Variants in CCDC9 observed in about 807,000 individuals in gnomAD.
CCDC9 encodes coiled-coil domain containing 9.
CCDC9 carries 52 observed loss-of-function variants against 65.6 expected under a neutral mutation model. That is an observed-to-expected ratio of 0.79 (90% confidence interval 0.63 to 1.00). The LOEUF (loss-of-function observed/expected upper bound fraction) is 1.00, where lower values mean the gene tolerates loss of function less well. CCDC9 is among the 50% of genes least tolerant of loss of function. CCDC9 has a pLI of 0.00. For synonymous variants in CCDC9, 332 were observed against 280.3 expected, an observed-to-expected ratio of 1.18 and a Z score of -1.84; for missense variants, 834 against 757.2, an observed-to-expected ratio of 1.10 and a Z score of -1.19.
Position 47,260,681 on chromosome 19 carries a change from C to A in CCDC9, c.304C>A (p.Arg102=). ...GGRTPPQQGG[R]AGMGRASRSW... ...CCGGACTCCTCCACAGCAGGGAGGC[C>A]GGGCCGGCATGGGCCGAGCATCGCG... The change falls in exon 5 of 12, where the codon CGG becomes AGG. Residue 102 remains arginine (R), a synonymous_variant. Transcript: ENST00000221922. 2 of 1,543,776 alleles carry A rather than the reference C, an allele frequency of 1.3e-6. No homozygotes were observed. Among genetic ancestry groups the A allele is most frequent in the South Asian group, 1.3e-5 (1 of 79,482 alleles).
chr19:47,275,498 G>C (rs1198610469), downstream of CCDC9: 1 of 1,159,672 alleles, frequency 8.6e-7, no homozygotes, highest in Non-Finnish European at 1.2e-6. Context: ...GGGGGCCCAG[G>C]GGGTGTCAGC....
In CCDC9 at chr19:47,271,581, C is replaced by G. The variant is rs1250090196; in HGVS notation, c.1499C>G (p.Ser500Cys). The G allele has an allele frequency of 6.2e-7, 1 of 1,613,220 alleles. No individual in the cohort carries two copies. Among genetic ancestry groups the G allele is most frequent in the East Asian group, 2.2e-5 (1 of 44,864 alleles). Residue 500 changes from serine to cysteine, a missense_variant, in exon 12 of 12, where the codon TCC becomes TGC. Physicochemically the swap from Ser to Cys is moderately radical, Grantham distance 112. Transcript: ENST00000221922. ...CCACCCAGCGGCCACCAGCCTGTGTCCGATTGGGGTGAAGAGGTGGAGCTG... is the reference window on the plus strand; with the variant it reads ...CCACCCAGCGGCCACCAGCCTGTGTGCGATTGGGGTGAAGAGGTGGAGCTG... ...FSPPSGHQPV[S>C]DWGEEVELNS... is the part of the protein sequence containing the mutation.
intron 8 of CCDC9, among the ~76,000 whole-genome samples, chr19:47,269,259 T>A (rs1463302021): frequency 6.6e-6 from 1 of 152,050 alleles, no homozygotes; most frequent in Non-Finnish European, 1.5e-5. Flanking sequence ...AATTAAGAGG[T>A]CTAATGTTAG....
At chr19:47,269,365 GT>G (rs573727626) in intron 8 of CCDC9, among the ~76,000 whole-genome samples, 40 of 148,390 alleles carry the variant, frequency 2.7e-4, no homozygotes, top group Admixed American at 1.3e-3. Flanking sequence ...TTTTTTTTTT[GT>G]TTTTTTGAGA....
intron 3 of CCDC9, among the ~76,000 whole-genome samples, chr19:47,259,561 A>C (rs2059031666): frequency 6.6e-6 from 1 of 152,114 alleles, no homozygotes; most frequent in Non-Finnish European, 1.5e-5. Context: ...ATTTAGGACA[A>C]GGCTGCTGAG....
rs2059021990 is a variant in CCDC9 at position 47,257,990 on chromosome 19, A to C, written c.-71-340A>C. The stretch of plus-strand genomic sequence containing the variant: ...CTTGAGATAGGGAACCCGGGCTAAC[A>C]CTCATACCACAGGGTGTGGCGGCTG... On this transcript the variant is annotated intron_variant, in intron 1 of 11. Coordinates refer to ENST00000221922, the MANE Select transcript of CCDC9 (RefSeq NM_015603.3). 2.4e-5 allele frequency: 6 copies of C among 247,524 alleles called. No individual in the cohort carries two copies. In the South Asian group the frequency reaches 3.1e-4, roughly 13 times the overall value. The allele number at this position is 247,524 out of a possible 1,614,324, so 15.3% of individuals were successfully genotyped here.
At position 47,271,777 on chromosome 19, in the gene CCDC9, G is replaced by T; in HGVS notation, c.*99G>T. 2.0e-6 allele frequency: 3 copies of T among 1,467,820 alleles called. No individual in the cohort carries two copies. The highest frequency in any genetic ancestry group is 2.7e-6 in the Non-Finnish European group (3 of 1,115,940). The allele number at this position is 1,467,820 out of a possible 1,614,324, so 90.9% of individuals were successfully genotyped here. A position where few individuals can be genotyped will look rare whatever the true frequency, so the allele number is the denominator to read the frequency against. ...CGCGCGCGCTAGAGGGGTGTGGCTG[G>T]TGGGGGACCCTTGGGGCTGGGCCCT... On this transcript the variant is annotated 3_prime_UTR_variant, in exon 12 of 12. Transcript: ENST00000221922.
chr19:47,262,348 C>T (rs1401035095), intron 5 of CCDC9, among the ~76,000 whole-genome samples: 2 of 151,734 alleles, frequency 1.3e-5, no homozygotes, highest in East Asian at 1.9e-4. Flanking sequence ...TCCCAAGTAG[C>T]TGGGATTACA....
rs2123479624 is a variant in CCDC9, at chr19:47,270,536, C to G, written c.950-17C>G. ...GCCACACCTTCCCTTCCCAATGACACCTGGGTTCTGTTGCAGATGACCAGG... is the reference window on the plus strand; with the variant it reads ...GCCACACCTTCCCTTCCCAATGACAGCTGGGTTCTGTTGCAGATGACCAGG... On this transcript the variant is annotated splice_polypyrimidine_tract_variant and intron_variant, in intron 9 of 11. Coordinates refer to ENST00000221922, the MANE Select transcript of CCDC9 (RefSeq NM_015603.3). The G allele has an allele frequency of 6.2e-7, 1 of 1,614,176 alleles. No homozygotes were observed. The highest frequency in any genetic ancestry group is 2.2e-5 in the East Asian group (1 of 44,874).
In CCDC9 at chr19:47,256,560, CA is replaced by C. The variant is rs2059010338; in HGVS notation, c.-120del. The stretch of plus-strand genomic sequence containing the variant: ...GCGCCTGGCCCGGGAGCTGCGGTCG[CA>C]GAGGCCGACGGAGCCGGAGTCGCGG... On this transcript the variant is annotated 5_prime_UTR_variant, in exon 1 of 12. Transcript: ENST00000221922. The C allele has an allele frequency of 6.6e-6, 1 of 152,480 alleles. No homozygotes were observed. Among genetic ancestry groups the C allele is most frequent in the African/African-American group, 2.4e-5 (1 of 41,438 alleles). 9.4% of individuals were successfully genotyped at this position (152,480 alleles called of 1,614,324 possible).
downstream of CCDC9, among the ~76,000 whole-genome samples, chr19:47,272,352 C>A (rs956133581): frequency 7.9e-5 from 12 of 151,790 alleles, no homozygotes; most frequent in African/African-American, 2.2e-4. Flanking sequence ...GGCAAAGGGG[C>A]AACTTTATGG....
At chr19:47,275,003 G>A, downstream of CCDC9, 1 of 1,475,684 alleles carries the variant, frequency 6.8e-7, no homozygotes, top group Non-Finnish European at 8.9e-7. Context: ...GGCGCTGGCT[G>A]CGCTTGGCTC....
intron 3 of CCDC9, 139 bp downstream of exon 3, chr19:47,258,802 C>G: frequency 1.5e-6 from 1 of 648,512 alleles, no homozygotes; most frequent in South Asian, 1.8e-5. Context: ...CCTGACATCC[C>G]TTCTTTCATT....
At chr19:47,260,134 G>A (rs924334895) in intron 3 of CCDC9, among the ~76,000 whole-genome samples, 187 bp from the exon 4 acceptor site, 2 of 152,156 alleles carry the variant, frequency 1.3e-5, no homozygotes. Context: ...ACTCAGAGGG[G>A]CACCACAGGA....
downstream of CCDC9, chr19:47,271,993 C>A (rs2059127351): frequency 2.0e-5 from 25 of 1,244,034 alleles, no homozygotes; most frequent in Non-Finnish European, 2.5e-5. Context: ...CCCTTCAACT[C>A]CCCCTGGGCC....
chr19:47,271,564 C>G lies in CCDC9; in HGVS notation c.1482C>G (p.Ser494Arg). The change falls in exon 12 of 12, where the codon AGC (serine) becomes AGG (arginine). Residue 494 changes from serine (S) to arginine (R), a missense_variant. Ser to Arg is a moderately radical substitution (Grantham distance 110). Transcript: ENST00000221922. ...CTTCCAGCCCTTTCTCACCACCCAG[C>G]GGCCACCAGCCTGTGTCCGATTGGG... ...GTPSSPFSPP[S>R]GHQPVSDWGE... 1 of 1,613,222 alleles carries G rather than the reference C, an allele frequency of 6.2e-7. No homozygotes were observed. Among genetic ancestry groups the G allele is most frequent in the Non-Finnish European group, 8.5e-7 (1 of 1,179,978 alleles).
chr19:47,274,948 G>A (rs1292994592), downstream of CCDC9: 8 of 1,361,748 alleles, frequency 5.9e-6, no homozygotes, highest in Non-Finnish European at 7.5e-6. Context: ...GTGGGCGGCG[G>A]CGCCGAGAGC....
In CCDC9 at chr19:47,271,456, C is replaced by T. The variant is rs140335499; in HGVS notation, c.1374C>T (p.Thr458=). 3,303 of 1,613,756 alleles carry T rather than the reference C, an allele frequency of 2.0e-3. 1 individual carries two copies. The highest frequency in any genetic ancestry group is 2.6e-3 in the Non-Finnish European group (3,099 of 1,179,956). ...ACCAAGCCCCAGAGGCTGCCCCCAC[C>T]GGGATCCCCTGCAGTGAGCAGGCCC... ...QDHQAPEAAP[T]GIPCSEQAHG... Residue 458 remains threonine, a synonymous_variant, in exon 12 of 12, where the codon ACC becomes ACT. Coordinates refer to ENST00000221922, the MANE Select transcript of CCDC9 (RefSeq NM_015603.3).
chr19:47,258,674 C>T lies in CCDC9; in HGVS notation c.108+11C>T. 1 of 1,605,914 alleles carries T rather than the reference C, an allele frequency of 6.2e-7. No homozygotes were observed. Among genetic ancestry groups the T allele is most frequent in the Non-Finnish European group, 8.5e-7 (1 of 1,172,520 alleles). On this transcript the variant is annotated intron_variant, in intron 3 of 11. Transcript: ENST00000221922. Reference sequence around the variant, plus strand: ...ATCCGGCGCTACCAGGTGCCCTAGCCCCGCCCTGGGAGACCCCATCCCCTC... The same window carrying T: ...ATCCGGCGCTACCAGGTGCCCTAGCTCCGCCCTGGGAGACCCCATCCCCTC...
Sources: allele counts gnomAD v4.1 joint callset (sites outside exome capture counted in the v4.1 genomes callset), GRCh38; gene constraint gnomAD v4.1.1; transcripts MANE v1.5; gene names NCBI Gene and HGNC (gene_info 2026-07-23, HGNC 2026-07-21).